Variants in NRP1 observed in about 807,000 individuals in gnomAD.
NRP1 encodes neuropilin-1.
A neutral mutation model predicts 106.7 loss-of-function variants in NRP1; 35 were observed. The ratio of observed to expected loss-of-function variants is 0.33; its 90% CI spans 0.25 to 0.43. NRP1 has a LOEUF of 0.43. Ranked by LOEUF, NRP1 falls within the 20% of genes least tolerant of loss-of-function variation. The pLI, the probability that NRP1 is intolerant of heterozygous loss-of-function variation, is 1.00. For missense variants in NRP1, 1,024 were observed against 1,170.4 expected (o/e 0.87, Z 1.83); for synonymous variants, 437 against 417.9 (o/e 1.05, Z -0.56).
chr10:33,291,490 G>A (rs927841629), intron 2 of NRP1, among the ~76,000 whole-genome samples: 1 of 152,222 alleles, frequency 6.6e-6, no homozygotes, highest in Non-Finnish European at 1.5e-5. Context: ...GAAAGCCACT[G>A]TAATTTGGAG....
At chr10:33,305,506 AGT>A (rs1173288527) in intron 2 of NRP1, among the ~76,000 whole-genome samples, 1 of 152,100 alleles carries the variant, frequency 6.6e-6, no homozygotes, top group East Asian at 1.9e-4. Context: ...GCTGAAGACA[AGT>A]GTGTTCAGTG....
At chr10:33,330,211 A>G (rs578192722) in intron 2 of NRP1, among the ~76,000 whole-genome samples, 4 of 152,276 alleles carry the variant, frequency 2.6e-5, no homozygotes, top group African/African-American at 4.8e-5. Flanking sequence ...TGCTTTTTCC[A>G]TGTCAAACTT....
intron 8 of NRP1, among the ~76,000 whole-genome samples, chr10:33,218,098 C>T (rs962559219): frequency 2.6e-5 from 4 of 152,086 alleles, no homozygotes; most frequent in Admixed American, 6.6e-5. Context: ...TGTGTTGAAG[C>T]GCTGGGTAAC....
chr10:33,207,752 A>AT lies in NRP1; in HGVS notation c.1615-37_1615-36insA, dbSNP rs552548940. On this transcript the variant is annotated intron_variant, in intron 9 of 16. Transcript: ENST00000374867. ...TGGAAAACACAGGGCATTAAGGAAA[A>AT]AAAAAAACAGAGCTCCCTTTTAGCA... 1.4e-4 allele frequency: 223 copies of AT among 1,594,834 alleles called. 1 individual carries two copies. In the African/African-American group the frequency reaches 2.7e-3, roughly 19 times the overall value.
intron 13 of NRP1, among the ~76,000 whole-genome samples, chr10:33,189,031 G>A (rs939075528): frequency 1.3e-5 from 2 of 150,916 alleles, no homozygotes; most frequent in Non-Finnish European, 2.9e-5. Context: ...AAGAGGGAGC[G>A]CTGGCAGCCC....
At chr10:33,245,058 C>T (rs1238045362) in intron 6 of NRP1, among the ~76,000 whole-genome samples, 1 of 152,166 alleles carries the variant, frequency 6.6e-6, no homozygotes, top group Non-Finnish European at 1.5e-5. Flanking sequence ...AAGCTATTTT[C>T]CTGCATAAGG....
At chr10:33,314,942 A>G (rs755916033) in intron 2 of NRP1, among the ~76,000 whole-genome samples, 5 of 152,206 alleles carry the variant, frequency 3.3e-5, no homozygotes, top group Non-Finnish European at 7.3e-5. Context: ...TGCCAGCTGG[A>G]ACGGAAGCAG....
intron 8 of NRP1, among the ~76,000 whole-genome samples, chr10:33,216,051 A>T (rs909342706): frequency 6.6e-6 from 1 of 151,710 alleles, no homozygotes; most frequent in Admixed American, 6.6e-5. Context: ...TCGTTTACTC[A>T]GTTTTTCTGT....
chr10:33,209,956 C>T (rs1342750759), intron 9 of NRP1, among the ~76,000 whole-genome samples: 1 of 152,214 alleles, frequency 6.6e-6, no homozygotes, highest in Admixed American at 6.5e-5. Context: ...GGAGCCATGC[C>T]CAGTAGCTGT....
intron 2 of NRP1, among the ~76,000 whole-genome samples, chr10:33,278,623 G>A (rs889716832): frequency 6.6e-6 from 1 of 152,104 alleles, no homozygotes; most frequent in Non-Finnish European, 1.5e-5. Context: ...TTACCCTTGA[G>A]CTTGTCTAAA....
chr10:33,241,278 A>G (rs759422385), intron 6 of NRP1, among the ~76,000 whole-genome samples: 21 of 152,192 alleles, frequency 1.4e-4, no homozygotes, highest in Non-Finnish European at 1.5e-4. Flanking sequence ...TGCTCTGAAG[A>G]CATGTGCTCC....
chr10:33,196,036 T>C (rs771652244), intron 12 of NRP1, among the ~76,000 whole-genome samples: 7 of 152,134 alleles, frequency 4.6e-5, no homozygotes, highest in Non-Finnish European at 1.0e-4. Context: ...GACCTTGAGA[T>C]TGTGCACAAA....
intron 12 of NRP1, chr10:33,194,859 A>G (rs963442162): frequency 2.2e-6 from 1 of 459,916 alleles, no homozygotes; most frequent in African/African-American, 2.0e-5. Context: ...AGGAAAGGAG[A>G]AAGGGAGAGA....
At chr10:33,218,770 C>A (rs1305062315) in intron 8 of NRP1, among the ~76,000 whole-genome samples, 1 of 152,168 alleles carries the variant, frequency 6.6e-6, no homozygotes, top group Non-Finnish European at 1.5e-5. Context: ...TAGGCTTAAA[C>A]AAAATCCAGA....
rs1460038836 is a variant in NRP1, at chr10:33,190,323, T to A, written c.2062+1958A>T. ...CCATTACTGCCTTCATTTTGGCTAA[T>A]TGCATTTAGTTAATTTGATGCCATT... is the stretch of plus-strand genomic sequence containing the variant. On this transcript the variant is annotated intron_variant, in intron 13 of 16. Coordinates refer to ENST00000374867, the MANE Select transcript of NRP1 (RefSeq NM_003873.7). Among the ~76,000 whole-genome samples the A allele has an allele frequency of 2.0e-5, 3 of 152,252 alleles. No homozygotes were observed. The East Asian group carries it at 5.8e-4, about 29-fold the overall frequency.
chr10:33,311,025 G>C lies in NRP1; in HGVS notation c.248+19683C>G, dbSNP rs556274140. On this transcript the variant is annotated intron_variant, in intron 2 of 16. Coordinates refer to ENST00000374867, the MANE Select transcript of NRP1 (RefSeq NM_003873.7). The stretch of plus-strand genomic sequence containing the variant: ...GATAAGGCCTGTCATTCCAGAGTAT[G>C]AGGCACAGCAGGCTGGTGAGTGTAA... Among the ~76,000 whole-genome samples the C allele has an allele frequency of 2.6e-5, 4 of 152,296 alleles. No individual in the cohort carries two copies. The South Asian group carries it at 8.3e-4, about 32-fold the overall frequency.
At chr10:33,288,058 A>G (rs1040152564) in intron 2 of NRP1, among the ~76,000 whole-genome samples, 3 of 152,198 alleles carry the variant, frequency 2.0e-5, no homozygotes, top group Non-Finnish European at 4.4e-5. Context: ...ATTTGGTTAA[A>G]GTGAACTTTG....
Position 33,258,215 on chromosome 10 carries a change from G to GT in NRP1, c.659-1745dup, listed in dbSNP as rs531371037. On this transcript the variant is annotated intron_variant, in intron 4 of 16. Coordinates refer to ENST00000374867, the MANE Select transcript of NRP1 (RefSeq NM_003873.7). ...GATTGCACAGATCCTTGGCCGACAG[G>GT]TTTTCAGCTCTTGGCCAATTCTCTT... Among the ~76,000 whole-genome samples, 325 of 152,224 alleles carry GT rather than the reference G, an allele frequency of 2.1e-3. 3 individuals are homozygous for GT. The highest frequency in any genetic ancestry group is 3.4e-3 in the Middle Eastern group (1 of 294).
At position 33,182,681 on chromosome 10, in the gene NRP1, C is replaced by T; in HGVS notation, c.2482+17G>A. The T allele has an allele frequency of 6.2e-7, 1 of 1,601,820 alleles. No individual in the cohort carries two copies. The highest frequency in any genetic ancestry group is 8.5e-7 in the Non-Finnish European group (1 of 1,170,600). On this transcript the variant is annotated intron_variant, in intron 16 of 16. Coordinates refer to ENST00000374867, the MANE Select transcript of NRP1 (RefSeq NM_003873.7). ...ATAGTAAAATTTTTTAAAAATTGGT[C>T]AGCAAGACAAATTTACCTGTTTCAT...
Sources: allele counts gnomAD v4.1 joint callset (sites outside exome capture counted in the v4.1 genomes callset), GRCh38; gene constraint gnomAD v4.1.1; transcripts MANE v1.5; gene names NCBI Gene and HGNC (gene_info 2026-07-23, HGNC 2026-07-21).